PLD5: variants seen among roughly 807,000 people sequenced by gnomAD.
PLD5 encodes inactive phospholipase D5.
A neutral mutation model predicts 61.1 loss-of-function variants in PLD5; 36 were observed. That is an observed-to-expected ratio of 0.59 (90% CI 0.45 to 0.78). The LOEUF is 0.78. Ranked by LOEUF, PLD5 falls within the 30% of genes least tolerant of loss-of-function variation. PLD5 has a pLI of 0.00. For missense variants in PLD5, 515 were observed against 644.4 expected, an observed-to-expected ratio of 0.80 and a Z score of 2.17; for synonymous variants, 243 against 242.8, an observed-to-expected ratio of 1.00 and a Z score of -0.01.
At chr1:242,397,714 A>G (rs1224232648) in intron 1 of PLD5, among the ~76,000 whole-genome samples, 1 of 151,924 alleles carries the variant, frequency 6.6e-6, no homozygotes, top group East Asian at 1.9e-4. Context: ...TATCTCTATT[A>G]CATTCTAATA....
intron 8 of PLD5, among the ~76,000 whole-genome samples, chr1:242,104,721 A>G (rs116081604): frequency 0.015 from 2,266 of 152,276 alleles, 26 homozygotes; most frequent in Non-Finnish European, 0.024. Context: ...GGGTCTCCCT[A>G]CTTTGCCCAG....
At chr1:242,221,912 C>G (rs939436096) in intron 4 of PLD5, among the ~76,000 whole-genome samples, 1 of 152,086 alleles carries the variant, frequency 6.6e-6, no homozygotes, top group African/African-American at 2.4e-5. Flanking sequence ...AACAAAGTAC[C>G]CTAATCTGGA....
At chr1:242,148,773 T>A (rs573263368) in intron 5 of PLD5, among the ~76,000 whole-genome samples, 3 of 152,078 alleles carry the variant, frequency 2.0e-5, no homozygotes, top group African/African-American at 7.2e-5. Flanking sequence ...TTGCTCATGC[T>A]ATTGGTTGGG....
intron 4 of PLD5, among the ~76,000 whole-genome samples, chr1:242,230,445 A>G (rs2149034828): frequency 6.6e-6 from 1 of 152,304 alleles, no homozygotes; most frequent in Non-Finnish European, 1.5e-5. Context: ...GCAGAAATTT[A>G]TCTTATCCAT....
chr1:242,251,659 A>C (rs950914043), intron 4 of PLD5, among the ~76,000 whole-genome samples: 9 of 152,112 alleles, frequency 5.9e-5, no homozygotes, highest in Non-Finnish European at 1.0e-4. Flanking sequence ...CACCTGCCAG[A>C]GGGGATCTAG....
chr1:242,451,108 A>T (rs1017426475), intron 1 of PLD5, among the ~76,000 whole-genome samples: 3 of 152,142 alleles, frequency 2.0e-5, no homozygotes, highest in Admixed American at 2.0e-4. Context: ...AGGCGGCAAC[A>T]TCTACTGCAG....
chr1:242,182,613 C>A (rs1022088708), intron 5 of PLD5, among the ~76,000 whole-genome samples: 2 of 152,132 alleles, frequency 1.3e-5, no homozygotes, highest in Admixed American at 1.3e-4. Context: ...GAGGCCGAGG[C>A]AGGTGGATCA....
At chr1:242,524,005 CCG>C in intron 1 of PLD5, 81 bp downstream of exon 1, 1 of 1,408,252 alleles carries the variant, frequency 7.1e-7, no homozygotes, top group African/African-American at 1.5e-5. Context: ...CCCCCGCGCC[CCG>C]CGCGCGCTCA....
chr1:242,348,839 G>A (rs151257394), intron 1 of PLD5, among the ~76,000 whole-genome samples: 1 of 152,116 alleles, frequency 6.6e-6, no homozygotes, highest in Non-Finnish European at 1.5e-5. Context: ...CAGATCATGA[G>A]GTCAGGAGAT....
At chr1:242,220,412 C>T (rs1398788062) in intron 4 of PLD5, among the ~76,000 whole-genome samples, 5 of 152,182 alleles carry the variant, frequency 3.3e-5, no homozygotes, top group Non-Finnish European at 7.3e-5. Flanking sequence ...GGCTTCTCAA[C>T]TCAGATCTGT....
chr1:242,089,932 T>C lies in PLD5; in HGVS notation c.1533A>G (p.Ser511=). The part of the protein sequence containing the change: ...TLQPTKQPNC[S]SLFKLKPLSN... Reference sequence around the variant, plus strand: ...AGAGGGGTTTGAGTTTGAACAGGCTTGAGCAGTTCGGCTGTTTGGTTGGCT... The same window carrying C: ...AGAGGGGTTTGAGTTTGAACAGGCTCGAGCAGTTCGGCTGTTTGGTTGGCT... Residue 511 remains serine (S), a synonymous_variant, in exon 10 of 10, where the codon TCA becomes TCG. Transcript: ENST00000536534. 1 of 1,614,202 alleles carries C rather than the reference T, an allele frequency of 6.2e-7. No homozygotes were observed. Among genetic ancestry groups the C allele is most frequent in the Non-Finnish European group, 8.5e-7 (1 of 1,180,042 alleles).
At chr1:242,455,904 G>A (rs533205505) in intron 1 of PLD5, among the ~76,000 whole-genome samples, 6 of 152,362 alleles carry the variant, frequency 3.9e-5, no homozygotes, top group Admixed American at 1.3e-4. Flanking sequence ...GTTGTGGTGC[G>A]GGATAGAGCC....
chr1:242,457,175 T>C (rs1186434603), intron 1 of PLD5, among the ~76,000 whole-genome samples: 1 of 152,206 alleles, frequency 6.6e-6, no homozygotes, highest in Non-Finnish European at 1.5e-5. Context: ...CAGCCTATTG[T>C]AGTAAAGCTT....
intron 1 of PLD5, chr1:242,449,350 T>C: frequency 6.5e-7 from 1 of 1,536,110 alleles, no homozygotes; most frequent in South Asian, 1.2e-5. Flanking sequence ...CCAGAGTTTC[T>C]TACCATTGCG....
intron 1 of PLD5, among the ~76,000 whole-genome samples, chr1:242,412,929 C>G (rs1052616311): frequency 2.0e-5 from 3 of 152,202 alleles, no homozygotes; most frequent in African/African-American, 7.2e-5. Context: ...TACGTTCCCT[C>G]CACCAATGCA....
In PLD5 at chr1:242,475,422, C is replaced by CAAAAAAA. The variant is rs5782239; in HGVS notation, c.189+48659_189+48665dup. On this transcript the variant is annotated intron_variant, in intron 1 of 9. Transcript: ENST00000536534. ...TGGGCGACAGAGCGAGACTCCGTCT[C>CAAAAAAA]AAAAAAAAAAAAAAAAAAAGAAAAC... 2.1e-3 allele frequency among the ~76,000 whole-genome samples: 188 copies of CAAAAAAA among 91,380 alleles called. 1 individual carries two copies. The highest frequency in any genetic ancestry group is 7.3e-3 in the African/African-American group (179 of 24,598). The allele number at this position is 91,380 out of a possible 152,430, so 59.9% of individuals were successfully genotyped here.
chr1:242,113,283 C>G (rs925247886), intron 7 of PLD5, among the ~76,000 whole-genome samples: 2 of 151,820 alleles, frequency 1.3e-5, no homozygotes, highest in Non-Finnish European at 2.9e-5. Context: ...TTAGTGGAGA[C>G]GGGGTTTCAC....
intron 5 of PLD5, among the ~76,000 whole-genome samples, chr1:242,142,834 C>A (rs888532988): frequency 6.6e-6 from 1 of 152,060 alleles, no homozygotes; most frequent in African/African-American, 2.4e-5. Context: ...TCAAGCGATT[C>A]TCCTGCCTCA....
intron 2 of PLD5, among the ~76,000 whole-genome samples, chr1:242,304,082 C>G (rs930718392): frequency 5.3e-5 from 8 of 152,210 alleles, no homozygotes; most frequent in African/African-American, 1.9e-4. Context: ...CTCAATAAGA[C>G]TCCTCAAAAC....
Sources: allele counts gnomAD v4.1 joint callset (sites outside exome capture counted in the v4.1 genomes callset), GRCh38; gene constraint gnomAD v4.1.1; transcripts MANE v1.5; gene names NCBI Gene and HGNC (gene_info 2026-07-23, HGNC 2026-07-21).